Variants in KLF12 observed in about 807,000 individuals in gnomAD.
KLF12 encodes Krueppel-like factor 12.
Under a neutral mutation model 37.8 loss-of-function variants are expected in KLF12, and 9 were observed. The ratio of observed to expected loss-of-function variants is 0.24; its 90% CI spans 0.14 to 0.42. KLF12 has a LOEUF of 0.42. Ranked by LOEUF, KLF12 falls within the 10% of genes least tolerant of loss-of-function variation. KLF12 has a pLI of 1.00. For missense variants in KLF12, 411 were observed against 516.0 expected (o/e 0.80, Z 1.97); for synonymous variants, 208 against 202.1 (o/e 1.03, Z -0.25).
At chr13:73,922,601 C>T (rs1889168969) in intron 3 of KLF12, among the ~76,000 whole-genome samples, 1 of 152,110 alleles carries the variant, frequency 6.6e-6, no homozygotes, top group Admixed American at 6.6e-5. Flanking sequence ...CTCTGATCAT[C>T]CATGTCAGAG....
chr13:74,112,201 C>T (rs199528032), intron 1 of KLF12, among the ~76,000 whole-genome samples: 17 of 95,414 alleles, frequency 1.8e-4, no homozygotes, highest in Admixed American at 6.4e-4. Flanking sequence ...TGTGTGTGTG[C>T]ATCTGTGTGT....
intron 5 of KLF12, among the ~76,000 whole-genome samples, chr13:73,768,685 C>G (rs1007593228): frequency 1.3e-5 from 2 of 152,126 alleles, no homozygotes; most frequent in Non-Finnish European, 2.9e-5. Flanking sequence ...AGAGCCCTTA[C>G]TATTTGCTTG....
chr13:73,882,363 G>C (rs1482010187), intron 3 of KLF12, among the ~76,000 whole-genome samples: 1 of 152,154 alleles, frequency 6.6e-6, no homozygotes, highest in African/African-American at 2.4e-5. Flanking sequence ...AGCATATACT[G>C]AAAGAGACAG....
intron 6 of KLF12, among the ~76,000 whole-genome samples, chr13:73,749,967 A>G (rs183680330): frequency 6.5e-4 from 99 of 152,324 alleles, no homozygotes; most frequent in Middle Eastern, 6.8e-3. Flanking sequence ...AACAGGCAAG[A>G]TCAGGCATAA....
intron 1 of KLF12, among the ~76,000 whole-genome samples, chr13:74,011,355 G>T (rs1892547241): frequency 6.6e-6 from 1 of 152,122 alleles, no homozygotes; most frequent in Non-Finnish European, 1.5e-5. Flanking sequence ...CTGACCACCA[G>T]GCCCATGTGT....
At position 73,942,021 on chromosome 13, in the gene KLF12, T is replaced by C. The variant is rs183994595; in HGVS notation, c.123+1960A>G. Among the ~76,000 whole-genome samples, 572 of 152,322 alleles carry C rather than the reference T, an allele frequency of 3.8e-3. 14 individuals are homozygous for C. The highest frequency in any genetic ancestry group is 0.033 in the Admixed American group (512 of 15,296). On this transcript the variant is annotated intron_variant, in intron 3 of 7. Transcript: ENST00000377669. Reference sequence around the variant, plus strand: ...CTAAGGACAAAAAAAATGCTTTCTATAAATAATGTGACATGGAGTTCTTAT... The same window carrying C: ...CTAAGGACAAAAAAAATGCTTTCTACAAATAATGTGACATGGAGTTCTTAT...
At chr13:73,747,968 T>C (rs1437964858) in intron 6 of KLF12, among the ~76,000 whole-genome samples, 1 of 152,216 alleles carries the variant, frequency 6.6e-6, no homozygotes, top group Non-Finnish European at 1.5e-5. Flanking sequence ...AGCTTAAGAA[T>C]GTAAAATATC....
chr13:74,134,529 C>CGCCCCACCCCGCCCCACCCCT (rs1878462295), upstream of KLF12, among the ~76,000 whole-genome samples: 1 of 151,352 alleles, frequency 6.6e-6, no homozygotes, highest in African/African-American at 2.4e-5. Flanking sequence ...GCCTCCACCC[C>CGCCCCACCCCGCCCCACCCCT]GCCCCACCCC....
intron 1 of KLF12, among the ~76,000 whole-genome samples, chr13:74,071,501 A>C (rs1211346642): frequency 2.0e-5 from 3 of 148,172 alleles, no homozygotes; most frequent in Non-Finnish European, 3.0e-5. Flanking sequence ...CCTGGCTAAC[A>C]CAGTGAAACC....
chr13:74,135,373 C>A (rs1193512769), upstream of KLF12, among the ~76,000 whole-genome samples: 1 of 151,954 alleles, frequency 6.6e-6, no homozygotes, highest in African/African-American at 2.4e-5. Context: ...AGAGCGGAGC[C>A]CCAAGAAGCG....
At chr13:73,968,418 T>C (rs1460842541) in intron 2 of KLF12, among the ~76,000 whole-genome samples, 1 of 152,262 alleles carries the variant, frequency 6.6e-6, no homozygotes, top group Non-Finnish European at 1.5e-5. Flanking sequence ...ATTATGATTC[T>C]ATGCATGATA....
intron 7 of KLF12, among the ~76,000 whole-genome samples, chr13:73,702,600 T>C (rs775479558): frequency 6.6e-6 from 1 of 152,154 alleles, no homozygotes; most frequent in Non-Finnish European, 1.5e-5. Context: ...GGAACACCTT[T>C]TGCAACAGGA....
intron 2 of KLF12, among the ~76,000 whole-genome samples, chr13:73,970,089 A>T (rs551009963): frequency 6.6e-6 from 1 of 152,180 alleles, no homozygotes; most frequent in South Asian, 2.1e-4. Context: ...AGCTGGTGCA[A>T]TTTTGTATCA....
intron 7 of KLF12, 61 bp from the exon 8 acceptor site, chr13:73,695,732 C>A: frequency 6.7e-7 from 1 of 1,485,176 alleles, no homozygotes. Context: ...CATAACCAGG[C>A]CAGTACTCTA....
the KLF12 span, among the ~76,000 whole-genome samples, chr13:74,285,022 C>T: frequency 7.9e-5 from 12 of 151,984 alleles, no homozygotes; most frequent in Admixed American, 5.9e-4. Flanking sequence ...ATGAAAGTTT[C>T]TTTTAACTCA....
chr13:73,763,847 G>C (rs1440376630), intron 6 of KLF12, among the ~76,000 whole-genome samples: 2 of 152,040 alleles, frequency 1.3e-5, no homozygotes, highest in African/African-American at 4.8e-5. Context: ...AGGATGCCCC[G>C]GCTCTGAGGC....
At chr13:74,086,678 G>C (rs1040328438) in intron 1 of KLF12, among the ~76,000 whole-genome samples, 1 of 151,976 alleles carries the variant, frequency 6.6e-6, no homozygotes, top group African/African-American at 2.4e-5. Flanking sequence ...GGAGGTTAGG[G>C]GTACTGACCC....
At chr13:73,936,838 A>C (rs1889955257) in intron 3 of KLF12, among the ~76,000 whole-genome samples, 1 of 152,156 alleles carries the variant, frequency 6.6e-6, no homozygotes, top group African/African-American at 2.4e-5. Context: ...TCATGGTGGG[A>C]GTCAATTCCC....
At chr13:74,078,396 T>C (rs1418937700) in intron 1 of KLF12, among the ~76,000 whole-genome samples, 1 of 152,222 alleles carries the variant, frequency 6.6e-6, no homozygotes, top group Non-Finnish European at 1.5e-5. Context: ...AATGTTTTCA[T>C]CTAGAAACAG....
Sources: allele counts gnomAD v4.1 joint callset (sites outside exome capture counted in the v4.1 genomes callset), GRCh38; gene constraint gnomAD v4.1.1; transcripts MANE v1.5; gene names NCBI Gene and HGNC (gene_info 2026-07-23, HGNC 2026-07-21).